The following TPD52L1 variants were observed in gnomAD, a reference collection of about 807,000 sequenced individuals.
TPD52L1 encodes the protein tumor protein D53.
In TPD52L1, 18 loss-of-function variants were observed where a neutral mutation model predicts 28.7. That is an observed-to-expected ratio of 0.63 (90% CI 0.43 to 0.93). The LOEUF (loss-of-function observed/expected upper bound fraction) is 0.93, where lower values mean the gene tolerates loss of function less well. Ranked by LOEUF, TPD52L1 falls within the 40% of genes least tolerant of loss-of-function variation. The pLI, the probability that TPD52L1 is intolerant of heterozygous loss-of-function variation, is 0.00. For missense variants in TPD52L1, 203 were observed against 254.8 expected (o/e 0.80, Z 1.39); for synonymous variants, 75 against 88.8 (o/e 0.84, Z 0.88).
chr6:125,237,253 C>T (rs1006435893), intron 3 of TPD52L1, among the ~76,000 whole-genome samples: 3 of 151,936 alleles, frequency 2.0e-5, no homozygotes, highest in Non-Finnish European at 2.9e-5. Flanking sequence ...CCTCTGGCTG[C>T]GGTGTTGAAA....
intron 3 of TPD52L1, among the ~76,000 whole-genome samples, chr6:125,242,001 C>T (rs1197113799): frequency 6.6e-6 from 1 of 151,854 alleles, no homozygotes; most frequent in African/African-American, 2.4e-5. Context: ...TGTTGTATCC[C>T]AGAGGTTTTG....
chr6:125,165,712 T>C (rs1790852573), intron 1 of TPD52L1, among the ~76,000 whole-genome samples: 1 of 152,256 alleles, frequency 6.6e-6, no homozygotes, highest in Non-Finnish European at 1.5e-5. Flanking sequence ...ATTTTTCTTA[T>C]AATTAGACAT....
At chr6:125,251,030 C>T (rs190250706) in intron 4 of TPD52L1, among the ~76,000 whole-genome samples, 1 of 152,158 alleles carries the variant, frequency 6.6e-6, no homozygotes, top group East Asian at 1.9e-4. Flanking sequence ...TTTGTGAAAG[C>T]AACAAGTTTT....
Position 125,220,198 on chromosome 6 carries a change from GT to G in TPD52L1, c.135+8del. ...TTAAAAGCAGAGTTAGTTCAGGTATGTTTAGTAATCTTATTGTTGCTATTTC... is the reference window on the plus strand; with the variant it reads ...TTAAAAGCAGAGTTAGTTCAGGTATGTTAGTAATCTTATTGTTGCTATTTC... On this transcript the variant is annotated splice_donor_region_variant and intron_variant, in intron 2 of 6. Transcript: ENST00000534000. The G allele has an allele frequency of 1.3e-6, 2 of 1,574,158 alleles. No homozygotes were observed. The highest frequency in any genetic ancestry group is 1.7e-6 in the Non-Finnish European group (2 of 1,143,952).
chr6:125,245,082 A>C (rs1388200699), intron 3 of TPD52L1, among the ~76,000 whole-genome samples: 1 of 152,206 alleles, frequency 6.6e-6, no homozygotes, highest in Non-Finnish European at 1.5e-5. Context: ...ACCAGTCTTC[A>C]GGTCTCCCAG....
At chr6:125,260,971 AG>A (rs1797938729) in intron 6 of TPD52L1, 2 of 44,246 alleles carry the variant, frequency 4.5e-5, no homozygotes, top group African/African-American at 3.9e-4. Flanking sequence ...AAAGAAAGAA[AG>A]AAAGAAAAGA....
chr6:125,198,492 T>C (rs1793589084), intron 1 of TPD52L1, among the ~76,000 whole-genome samples: 2 of 152,142 alleles, frequency 1.3e-5, no homozygotes, highest in African/African-American at 4.8e-5. Flanking sequence ...CACAAACACA[T>C]GACCAGCTTC....
At chr6:125,154,357 CT>C in intron 1 of TPD52L1, 5 of 1,031,790 alleles carry the variant, frequency 4.8e-6, no homozygotes, top group Non-Finnish European at 5.8e-6. Flanking sequence ...GAATGTGACT[CT>C]TTTCGCCCAG....
chr6:125,187,195 G>C (rs1336032335), intron 1 of TPD52L1, among the ~76,000 whole-genome samples: 1 of 152,176 alleles, frequency 6.6e-6, no homozygotes, highest in Non-Finnish European at 1.5e-5. Flanking sequence ...TGTATGAAAA[G>C]TCTTAACTAT....
intron 3 of TPD52L1, among the ~76,000 whole-genome samples, chr6:125,236,848 C>T (rs2115006105): frequency 6.6e-6 from 1 of 152,262 alleles, no homozygotes; most frequent in South Asian, 2.1e-4. Context: ...TGCAGGCACC[C>T]CAAGTGGCCA....
At chr6:125,219,571 T>C (rs1479699125) in intron 1 of TPD52L1, among the ~76,000 whole-genome samples, 1 of 152,250 alleles carries the variant, frequency 6.6e-6, no homozygotes, top group East Asian at 1.9e-4. Flanking sequence ...GGGGAGGATT[T>C]TTTTCTCTGT....
intron 2 of TPD52L1, among the ~76,000 whole-genome samples, chr6:125,226,233 G>T (rs1795600661): frequency 6.6e-6 from 1 of 152,130 alleles, no homozygotes; most frequent in African/African-American, 2.4e-5. Context: ...TAGAATCTGA[G>T]AATACACCCA....
rs575829472 is a variant in TPD52L1 at position 125,209,343 on chromosome 6, C to T, written c.20-10735C>T. ...CGAACATAGCTTAAAGACAAGCCCACAGTCATGAGGTCTATGCCAAGCTTC... is the reference window on the plus strand; with the variant it reads ...CGAACATAGCTTAAAGACAAGCCCATAGTCATGAGGTCTATGCCAAGCTTC... On this transcript the variant is annotated intron_variant, in intron 1 of 6. Coordinates refer to ENST00000534000, the MANE Select transcript of TPD52L1 (RefSeq NM_003287.4). Among the ~76,000 whole-genome samples, 5 of 152,310 alleles carry T rather than the reference C, an allele frequency of 3.3e-5. No individual in the cohort carries two copies. The East Asian group carries it at 9.7e-4, about 29-fold the overall frequency.
intron 1 of TPD52L1, among the ~76,000 whole-genome samples, chr6:125,163,200 A>G (rs1403093062): frequency 6.6e-6 from 1 of 152,240 alleles, no homozygotes; most frequent in African/African-American, 2.4e-5. Context: ...TTTGAGTGCT[A>G]ATGTGCTAAT....
chr6:125,230,085 C>CAA (rs200227245), intron 3 of TPD52L1, among the ~76,000 whole-genome samples: 1 of 151,392 alleles, frequency 6.6e-6, no homozygotes, highest in African/African-American at 2.4e-5. Context: ...GACTCTGTCT[C>CAA]AAAAAAAAGA....
chr6:125,185,377 A>T (rs1290345208), intron 1 of TPD52L1, among the ~76,000 whole-genome samples: 2 of 152,232 alleles, frequency 1.3e-5, no homozygotes, highest in African/African-American at 2.4e-5. Flanking sequence ...TAGAAAAATT[A>T]GTCAAGTACT....
At chr6:125,226,305 A>G (rs1795604445) in intron 2 of TPD52L1, among the ~76,000 whole-genome samples, 2 of 152,188 alleles carry the variant, frequency 1.3e-5, no homozygotes, top group Admixed American at 1.3e-4. Flanking sequence ...GTGTCTTTGA[A>G]AGTGTGCCTG....
At chr6:125,252,141 T>A in intron 4 of TPD52L1, 1 of 1,314,644 alleles carries the variant, frequency 7.6e-7, no homozygotes, top group Non-Finnish European at 1.1e-6. Flanking sequence ...CCAACAAAAC[T>A]ACACTCTGTT....
intron 3 of TPD52L1, among the ~76,000 whole-genome samples, chr6:125,230,251 A>G (rs529320681): frequency 6.6e-6 from 1 of 152,244 alleles, no homozygotes; most frequent in South Asian, 2.1e-4. Context: ...CTAATGTTGC[A>G]AAGTATTTTA....
Sources: allele counts gnomAD v4.1 joint callset (sites outside exome capture counted in the v4.1 genomes callset), GRCh38; gene constraint gnomAD v4.1.1; transcripts MANE v1.5; gene names NCBI Gene and HGNC (gene_info 2026-07-23, HGNC 2026-07-21).